The following TENM3 variants were observed in gnomAD, a reference collection of about 807,000 sequenced individuals.
TENM3 encodes teneurin transmembrane protein 3, also known as teneurin-3.
In TENM3, 63 loss-of-function variants were observed where a neutral mutation model predicts 255.1. The ratio of observed to expected loss-of-function variants is 0.25; its 90% CI spans 0.20 to 0.30. The LOEUF (loss-of-function observed/expected upper bound fraction) is 0.30. TENM3 is among the 10% of genes least tolerant of loss of function. TENM3 has a pLI of 1.00. For synonymous variants in TENM3, 1,306 were observed against 1,322.3 expected (o/e 0.99, Z 0.27); for missense variants, 2,929 against 3,461.1 (o/e 0.85, Z 3.86).
At chr4:182,132,535 A>G in the TENM3 span, among the ~76,000 whole-genome samples, 1 of 152,202 alleles carries the variant, frequency 6.6e-6, no homozygotes, top group Non-Finnish European at 1.5e-5. Flanking sequence ...GTAAATCTGT[A>G]CAACATATAA....
the TENM3 span, among the ~76,000 whole-genome samples, chr4:181,853,811 A>C: frequency 6.6e-6 from 1 of 152,238 alleles, no homozygotes; most frequent in African/African-American, 2.4e-5. Flanking sequence ...TCTGCCCAGC[A>C]TGCTGTAGTA....
chr4:181,748,314 G>A, the TENM3 span, among the ~76,000 whole-genome samples: 1 of 151,918 alleles, frequency 6.6e-6, no homozygotes, highest in African/African-American at 2.4e-5. Context: ...GCATTCTCCG[G>A]TAGAATTTAA....
the TENM3 span, among the ~76,000 whole-genome samples, chr4:181,566,249 C>T: frequency 7.9e-5 from 12 of 152,154 alleles, no homozygotes; most frequent in Admixed American, 7.9e-4. Flanking sequence ...TTGTTGCTTT[C>T]TCCAGAACAC....
chr4:181,759,013 A>G, the TENM3 span, among the ~76,000 whole-genome samples: 32 of 152,286 alleles, frequency 2.1e-4, no homozygotes, highest in East Asian at 6.0e-3. Flanking sequence ...TCATTCTTTG[A>G]CATAAAATCT....
chr4:182,743,096 A>C, intron 18 of TENM3, 74 bp from the exon 19 acceptor site: 2 of 1,468,714 alleles, frequency 1.4e-6, no homozygotes, highest in Non-Finnish European at 1.8e-6. Context: ...TAGTTAAAAC[A>C]ATCATGAACA....
At chr4:181,689,105 G>A in the TENM3 span, among the ~76,000 whole-genome samples, 1 of 152,184 alleles carries the variant, frequency 6.6e-6, no homozygotes, top group African/African-American at 2.4e-5. Flanking sequence ...AATGACTAAG[G>A]CACACACAAA....
intron 1 of TENM3, among the ~76,000 whole-genome samples, chr4:182,323,263 C>T (rs1459004694): frequency 6.6e-6 from 1 of 152,056 alleles, no homozygotes; most frequent in Non-Finnish European, 1.5e-5. Context: ...TTAAATATCA[C>T]GATTTGCGCT....
chr4:182,023,320 T>C, the TENM3 span, among the ~76,000 whole-genome samples: 3 of 152,234 alleles, frequency 2.0e-5, no homozygotes, highest in Non-Finnish European at 4.4e-5. Context: ...TGCTGCTATA[T>C]ATTTTTACAT....
At chr4:182,011,948 G>A in the TENM3 span, among the ~76,000 whole-genome samples, 1 of 152,160 alleles carries the variant, frequency 6.6e-6, no homozygotes, top group Admixed American at 6.5e-5. Context: ...GGGAATCACA[G>A]ACTAAGCCCA....
At chr4:182,062,569 A>G in the TENM3 span, among the ~76,000 whole-genome samples, 1 of 152,244 alleles carries the variant, frequency 6.6e-6, no homozygotes. Context: ...ACAAGGCAGT[A>G]TGAAACAAAA....
At chr4:182,462,322 G>A (rs1175953265) in intron 3 of TENM3, among the ~76,000 whole-genome samples, 1 of 151,924 alleles carries the variant, frequency 6.6e-6, no homozygotes. Flanking sequence ...ACCTCCCAAA[G>A]TGCTGGGATT....
chr4:181,994,052 T>C, the TENM3 span, among the ~76,000 whole-genome samples: 27 of 152,280 alleles, frequency 1.8e-4, no homozygotes, highest in African/African-American at 6.5e-4. Flanking sequence ...CATACAATGA[T>C]TTTCTCAGCT....
chr4:182,598,672 G>A (rs62339114), intron 3 of TENM3, among the ~76,000 whole-genome samples: 18,169 of 152,122 alleles, frequency 0.12, 1,946 homozygotes, highest in East Asian at 0.54. Context: ...CGTGACTGAC[G>A]TAGCAGATTC....
chr4:182,228,253 CTG>C (rs1756315513), intron 1 of TENM3, among the ~76,000 whole-genome samples: 1 of 151,732 alleles, frequency 6.6e-6, no homozygotes, highest in African/African-American at 2.4e-5. Flanking sequence ...AAATAAAAGA[CTG>C]TGAGATGATG....
At chr4:181,898,638 T>C in the TENM3 span, among the ~76,000 whole-genome samples, 1 of 152,178 alleles carries the variant, frequency 6.6e-6, no homozygotes, top group Non-Finnish European at 1.5e-5. Flanking sequence ...AATTAAGATG[T>C]TTGAAGGTTT....
chr4:182,558,675 A>G (rs928519143), intron 3 of TENM3, among the ~76,000 whole-genome samples: 2 of 152,226 alleles, frequency 1.3e-5, no homozygotes, highest in Non-Finnish European at 2.9e-5. Flanking sequence ...TAATCTTATT[A>G]TAGCACAAAA....
chr4:182,193,716 T>C (rs1753674358), intron 1 of TENM3, among the ~76,000 whole-genome samples: 1 of 152,252 alleles, frequency 6.6e-6, no homozygotes, highest in Non-Finnish European at 1.5e-5. Flanking sequence ...TTGATTCATC[T>C]GTTTTGTGTG....
chr4:182,443,895 A>G (rs912636853), intron 3 of TENM3, among the ~76,000 whole-genome samples: 1 of 152,234 alleles, frequency 6.6e-6, no homozygotes, highest in Non-Finnish European at 1.5e-5. Flanking sequence ...TTCATCATGT[A>G]TCAGATTCCA....
the TENM3 span, among the ~76,000 whole-genome samples, chr4:181,628,945 T>C: frequency 1.3e-5 from 2 of 152,324 alleles, no homozygotes; most frequent in African/African-American, 4.8e-5. Context: ...ATTTTCACGA[T>C]ATTGATTCTT....
Sources: gnomAD v4.1 joint callset for allele counts (sites outside exome capture counted in the v4.1 genomes callset) on GRCh38, gnomAD v4.1.1 for gene constraint, MANE v1.5 for transcripts, NCBI Gene and HGNC (gene_info 2026-07-23, HGNC 2026-07-21) for gene names.